LRRC74B: variants seen among roughly 807,000 people sequenced by gnomAD.
LRRC74B encodes leucine rich repeat containing 74B.
Under a neutral mutation model 16.6 loss-of-function variants are expected in LRRC74B, and 30 were observed. The observed-to-expected ratio is 1.80, with a 90% confidence interval of 1.35 to 2.45. The LOEUF (loss-of-function observed/expected upper bound fraction) is 2.45, where lower values mean the gene tolerates loss of function less well. Among genes scored for constraint, LRRC74B ranks in the 30% most tolerant of loss-of-function variants. The probability of loss-of-function intolerance (pLI) is 0.00; values close to 1 mark genes in which losing one functional copy is unlikely to be tolerated. For missense variants in LRRC74B, 326 were observed against 202.4 expected, an observed-to-expected ratio of 1.61 and a Z score of -3.71; for synonymous variants, 134 against 86.0, an observed-to-expected ratio of 1.56 and a Z score of -3.09.
At chr22:21,063,048 A>G (rs1293208885), downstream of LRRC74B, 1 of 146,976 alleles carries the variant, frequency 6.8e-6, no homozygotes, top group African/African-American at 2.5e-5. Context: ...AAAAAAAAAG[A>G]ATGGAAGGAT....
exon 1 of LRRC74B, chr22:21,046,019 T>C: frequency 1.4e-6 from 1 of 717,374 alleles, no homozygotes; most frequent in South Asian, 1.5e-5. Context: ...CTGGGGAGGA[T>C]GAAGAGCAGA....
intron 3 of LRRC74B, 147 bp downstream of exon 3, chr22:21,048,163 T>C (rs1337766303): frequency 1.5e-6 from 1 of 650,418 alleles, no homozygotes; most frequent in East Asian, 2.7e-5. Flanking sequence ...GGAGGGGGCA[T>C]GTGGGGTGGA....
chr22:21,050,975 C>T (rs141887374), intron 4 of LRRC74B, among the ~76,000 whole-genome samples: 3,255 of 78,436 alleles, frequency 0.041, 97 homozygotes, highest in African/African-American at 0.11. Context: ...AGCGAGACTC[C>T]GTCTCAAAAA....
chr22:21,056,958 A>T, intron 7 of LRRC74B, 147 bp from the exon 8 acceptor site: 1 of 599,692 alleles, frequency 1.7e-6, no homozygotes, highest in African/African-American at 1.9e-5. Flanking sequence ...ATTCTGTCTG[A>T]CTATCTGATG....
intron 2 of LRRC74B, 26 bp downstream of exon 2, chr22:21,047,524 A>G (rs893914286): frequency 1.1e-5 from 8 of 716,254 alleles, no homozygotes; most frequent in Non-Finnish European, 2.1e-5. Flanking sequence ...CACTGTATCC[A>G]GGCTTACGGG....
At chr22:21,062,093 A>G (rs1416546542), downstream of LRRC74B, 1 of 152,248 alleles carries the variant, frequency 6.6e-6, no homozygotes, top group Non-Finnish European at 1.5e-5. Context: ...CGCTAAGTGA[A>G]AGAAGCCAGC....
chr22:21,062,186 A>T (rs1245346244), downstream of LRRC74B: 2 of 152,206 alleles, frequency 1.3e-5, no homozygotes, highest in Non-Finnish European at 2.9e-5. Context: ...TAGATTATAC[A>T]TTGCCTAGGT....
intron 8 of LRRC74B, among the ~76,000 whole-genome samples, chr22:21,057,778 T>G (rs897756399): frequency 7.0e-6 from 1 of 143,796 alleles, no homozygotes; most frequent in Admixed American, 7.1e-5. Context: ...TCACCATACC[T>G]GGCTAAAGTT....
Position 21,052,247 on chromosome 22 carries a change from AG to A in LRRC74B, c.625del, listed in dbSNP as rs774131014. On this transcript the variant is annotated splice_acceptor_variant, in intron 4 of 8. Coordinates refer to ENST00000442047, the Ensembl canonical transcript of LRRC74B. LOFTEE classifies it high-confidence loss of function. The stretch of plus-strand genomic sequence containing the variant: ...AGAAGGTCTCTCTTGGTGTTTCTGA[AG>A]GGGAGACACTTGGACCAGCCCTGGC... The A allele has an allele frequency of 3.5e-5, 25 of 717,332 alleles. No homozygotes were observed. The highest frequency in any genetic ancestry group is 1.0e-4 in the Admixed American group (5 of 49,976). 44.4% of individuals were successfully genotyped at this position (717,332 alleles called of 1,614,324 possible). A position where few individuals can be genotyped will look rare whatever the true frequency, so the allele number is the denominator to read the frequency against.
At chr22:21,053,269 C>T (rs1469166406) in intron 5 of LRRC74B, 91 bp from the exon 6 acceptor site, 4 of 654,194 alleles carry the variant, frequency 6.1e-6, no homozygotes, top group Admixed American at 2.4e-5. Context: ...CTTATCTTTG[C>T]ACCTCAGGGC....
chr22:21,054,020 C>T (rs938432604), intron 6 of LRRC74B: 2 of 152,310 alleles, frequency 1.3e-5, no homozygotes, highest in African/African-American at 2.4e-5. Context: ...TGCAAGCTTT[C>T]CTCCCTTGCA....
chr22:21,057,239 G>A (rs564918401), intron 8 of LRRC74B, 39 bp downstream of exon 8: 31 of 713,836 alleles, frequency 4.3e-5, no homozygotes, highest in South Asian at 4.3e-4. Flanking sequence ...GATCCTCCCA[G>A]CAGCCCTGTG....
chr22:21,059,013 G>A (rs923571678), intron 8 of LRRC74B, among the ~76,000 whole-genome samples: 10 of 152,218 alleles, frequency 6.6e-5, no homozygotes, highest in Non-Finnish European at 1.2e-4. Context: ...AGGACCTCGG[G>A]AGGCCAAGGC....
Position 21,055,255 on chromosome 22 carries a change from C to G in LRRC74B, c.927+79C>G, listed in dbSNP as rs900488913. On this transcript the variant is annotated intron_variant, in intron 7 of 8. Transcript: ENST00000442047. ...CCACACAGATCCCTCCCCCACAGCC[C>G]CCACCCAGGGGCAGCAGGCAGGTGC... 8.9e-6 allele frequency: 6 copies of G among 675,406 alleles called. No individual in the cohort carries two copies. The East Asian group carries it at 1.6e-4, about 19-fold the overall frequency. 41.8% of individuals were successfully genotyped at this position (675,406 alleles called of 1,614,324 possible). A position where few individuals can be genotyped will look rare whatever the true frequency, so the allele number is the denominator to read the frequency against.
chr22:21,051,694 C>A (rs865795372), intron 4 of LRRC74B, among the ~76,000 whole-genome samples: 15 of 152,338 alleles, frequency 9.8e-5, no homozygotes, highest in Middle Eastern at 3.4e-3. Context: ...GTATGTGCTG[C>A]CTAAGCCCCT....
chr22:21,050,226 G>A (rs534449129), intron 4 of LRRC74B, among the ~76,000 whole-genome samples: 2 of 152,072 alleles, frequency 1.3e-5, no homozygotes, highest in South Asian at 2.1e-4. Flanking sequence ...TAGTAGAGAT[G>A]GGGTTTCACC....
At chr22:21,055,341 TC>T (rs1362345219) in intron 7 of LRRC74B, among the ~76,000 whole-genome samples, 165 bp downstream of exon 7, 16 of 152,108 alleles carry the variant, frequency 1.1e-4, no homozygotes, top group Admixed American at 1.0e-3. Flanking sequence ...CCTCCTCTTC[TC>T]CCCTTCATCC....
At chr22:21,061,422 T>G (rs1930800379), downstream of LRRC74B, among the ~76,000 whole-genome samples, 1 of 152,198 alleles carries the variant, frequency 6.6e-6, no homozygotes, top group Admixed American at 6.5e-5. Context: ...TGTTAAATGT[T>G]AAAAGCCACA....
chr22:21,055,163 T>C lies in LRRC74B; in HGVS notation c.914T>C (p.Leu305Pro), dbSNP rs757801216. The change falls in exon 7 of 9, where the codon CTG becomes CCG. Residue 305 changes from leucine (L) to proline (P), a missense_variant. Transcript: ENST00000442047. The stretch of plus-strand genomic sequence containing the variant: ...CTGGGCCTCCGGGTCAACCAGACGC[T>C]GAGGATTCTTGTAGTGAGTGCTAGC... The C allele has an allele frequency of 5.6e-6, 4 of 716,494 alleles. No homozygotes were observed. In the South Asian group the frequency reaches 5.9e-5, roughly 11 times the overall value. 44.4% of individuals were successfully genotyped at this position (716,494 alleles called of 1,614,324 possible). A position where few individuals can be genotyped will look rare whatever the true frequency, so the allele number is the denominator to read the frequency against.
Sources: allele counts gnomAD v4.1 joint callset (sites outside exome capture counted in the v4.1 genomes callset), GRCh38; gene constraint gnomAD v4.1.1; transcripts MANE v1.5; gene names NCBI Gene and HGNC (gene_info 2026-07-23, HGNC 2026-07-21).